DOK7: variants seen among roughly 807,000 people sequenced by gnomAD.
DOK7 encodes the protein docking protein 7, also known as protein Dok-7.
A neutral mutation model predicts 30.7 loss-of-function variants in DOK7; 32 were observed. That is an observed-to-expected ratio of 1.04 (90% CI 0.79 to 1.40). The LOEUF is 1.40. Among genes scored for constraint, DOK7 ranks in the 40% most tolerant of loss-of-function variants. The probability of loss-of-function intolerance (pLI) is 0.00; values close to 1 mark genes in which losing one functional copy is unlikely to be tolerated. For missense variants in DOK7, 1,007 were observed against 699.2 expected, an observed-to-expected ratio of 1.44 and a Z score of -4.97; for synonymous variants, 447 against 324.1, an observed-to-expected ratio of 1.38 and a Z score of -4.07.
In DOK7 at chr4:3,476,350, T is replaced by C; in HGVS notation, c.340T>C (p.Phe114Leu). The change falls in exon 4 of 7, where the codon TTC (phenylalanine) becomes CTC (leucine). Residue 114 changes from phenylalanine to leucine, a missense_variant. By Grantham distance (22) the Phe-to-Leu change is conservative. Coordinates refer to ENST00000340083, the MANE Select transcript of DOK7 (RefSeq NM_173660.5). Reference sequence around the variant, plus strand: ...GCCCCGCCTGCCCGCAGTGCATAGGTTCCATGTGACAGTGGCTCCAGGCAC... The same window carrying C: ...GCCCCGCCTGCCCGCAGTGCATAGGCTCCATGTGACAGTGGCTCCAGGCAC... ...IRYALGEVHR[F>L]HVTVAPGTKL... is the part of the protein sequence containing the mutation. The C allele has an allele frequency of 6.4e-7, 1 of 1,556,298 alleles. No homozygotes were observed. The highest frequency in any genetic ancestry group is 2.3e-5 in the East Asian group (1 of 43,190).
In DOK7 at chr4:3,494,427, G is replaced by A. The variant is rs1253834080; in HGVS notation, c.*926G>A. On this transcript the variant is annotated 3_prime_UTR_variant, in exon 7 of 7. Coordinates refer to ENST00000340083, the MANE Select transcript of DOK7 (RefSeq NM_173660.5). ...CCTCTTTGTCCCTTCACTGTCAGCT[G>A]TTTCTAAACCCAGACACTGTTTGTA... 2.5e-5 allele frequency: 25 copies of A among 985,530 alleles called. No homozygotes were observed. The highest frequency in any genetic ancestry group is 2.5e-5 in the Non-Finnish European group (21 of 830,072). The allele number at this position is 985,530 out of a possible 1,614,324, so 61.0% of individuals were successfully genotyped here.
At chr4:3,477,783 G>C (rs1422564746) in intron 4 of DOK7, among the ~76,000 whole-genome samples, 1 of 149,890 alleles carries the variant, frequency 6.7e-6, no homozygotes, top group Non-Finnish European at 1.5e-5. Flanking sequence ...TGGAGAGCCA[G>C]TATGGATGGG....
chr4:3,484,939 A>G (rs565239496), intron 4 of DOK7: 7 of 948,512 alleles, frequency 7.4e-6, no homozygotes, highest in Non-Finnish European at 6.3e-6. Flanking sequence ...CTGGGATGTG[A>G]CCCCAGCTCC....
rs1242600036 is a variant in DOK7, at chr4:3,494,284, C to G, written c.*783C>G. ...GGCCTGTGTTTCCCCTGGCCCAGGC[C>G]TCAGCCCCTGCGTCGGAGGTGGGGC... On this transcript the variant is annotated 3_prime_UTR_variant, in exon 7 of 7. Coordinates refer to ENST00000340083, the MANE Select transcript of DOK7 (RefSeq NM_173660.5). 5.1e-6 allele frequency: 5 copies of G among 985,642 alleles called. No homozygotes were observed. The highest frequency in any genetic ancestry group is 6.0e-6 in the Non-Finnish European group (5 of 830,078). The allele number at this position is 985,642 out of a possible 1,614,324, so 61.1% of individuals were successfully genotyped here. A position where few individuals can be genotyped will look rare whatever the true frequency, so the allele number is the denominator to read the frequency against.
At chr4:3,485,854 C>T (rs749141166) in intron 5 of DOK7, among the ~76,000 whole-genome samples, 196 bp downstream of exon 5, 2 of 152,366 alleles carry the variant, frequency 1.3e-5, no homozygotes, top group South Asian at 2.1e-4. Context: ...TTCAGAGCAG[C>T]GGGGGCTGGG....
chr4:3,473,347 C>A (rs1008897620), intron 2 of DOK7, 59 bp from the exon 3 acceptor site: 1 of 1,562,308 alleles, frequency 6.4e-7, no homozygotes, highest in Non-Finnish European at 8.7e-7. Flanking sequence ...TCCCCGGGGA[C>A]GCCAAGGGTG....
chr4:3,489,720 C>A lies in DOK7; in HGVS notation c.696C>A (p.Ala232=). ...PGPSTVEERV[A]QEALETLQLE... ...CCTCGACTGTGGAGGAGCGTGTGGC[C>A]CAGGAAGCCCTGGAAACCCTACAGC... Residue 232 remains alanine, a synonymous_variant, in exon 6 of 7, where the codon GCC becomes GCA. Coordinates refer to ENST00000340083, the MANE Select transcript of DOK7 (RefSeq NM_173660.5). 6.4e-7 allele frequency: 1 copy of A among 1,564,816 alleles called. No individual in the cohort carries two copies. Among genetic ancestry groups the A allele is most frequent in the Admixed American group, 1.9e-5 (1 of 53,116 alleles).
At chr4:3,485,089 G>A (rs1442211232) in intron 4 of DOK7, among the ~76,000 whole-genome samples, 1 of 152,166 alleles carries the variant, frequency 6.6e-6, no homozygotes, top group Non-Finnish European at 1.5e-5. Flanking sequence ...GCAGAGGAGG[G>A]ACTGATCAAG....
chr4:3,473,093 G>A (rs886555028), intron 2 of DOK7, among the ~76,000 whole-genome samples: 8 of 152,228 alleles, frequency 5.3e-5, no homozygotes, highest in African/African-American at 1.9e-4. Flanking sequence ...TGTGGCCCAG[G>A]GGGCTCCAGG....
chr4:3,481,540 C>T (rs1256975180), intron 4 of DOK7, among the ~76,000 whole-genome samples: 1 of 152,048 alleles, frequency 6.6e-6, no homozygotes, highest in African/African-American at 2.4e-5. Flanking sequence ...AGGCCTTCCT[C>T]CACCCGAGAC....
intron 4 of DOK7, among the ~76,000 whole-genome samples, chr4:3,481,674 G>A (rs924994009): frequency 1.3e-5 from 2 of 152,178 alleles, no homozygotes; most frequent in East Asian, 1.9e-4. Flanking sequence ...AGCCATCCAG[G>A]ACACCCTGGT....
chr4:3,485,538 G>A lies in DOK7; in HGVS notation c.533-1G>A. 1 of 1,599,988 alleles carries A rather than the reference G, an allele frequency of 6.3e-7. No individual in the cohort carries two copies. Among genetic ancestry groups the A allele is most frequent in the Non-Finnish European group, 8.5e-7 (1 of 1,172,016 alleles). ...GACCTGTCTCTGTCCTTCCTCTGCA[G>A]GGGCTGGCGTCTTCTTCCTGTCCTC... On this transcript the variant is annotated splice_acceptor_variant, in intron 4 of 6. Transcript: ENST00000340083. LOFTEE classifies it high-confidence loss of function.
chr4:3,475,529 C>T (rs576188654), intron 3 of DOK7, among the ~76,000 whole-genome samples: 1 of 152,336 alleles, frequency 6.6e-6, no homozygotes, highest in East Asian at 1.9e-4. Context: ...GGACCACTGT[C>T]CTCTCTGAGG....
chr4:3,493,902 T>G lies in DOK7; in HGVS notation c.*401T>G, dbSNP rs1263983803. ...TCACGCCCCCTTCGGGGGTGGCCGG[T>G]TCTCCCCATCACCTCTCTGGGGCAG... On this transcript the variant is annotated 3_prime_UTR_variant, in exon 7 of 7. Transcript: ENST00000340083. The G allele has an allele frequency of 1.9e-6, 2 of 1,062,054 alleles. No homozygotes were observed. Among genetic ancestry groups the G allele is most frequent in the Admixed American group, 1.0e-4 (2 of 19,816 alleles). The allele number at this position is 1,062,054 out of a possible 1,614,324, so 65.8% of individuals were successfully genotyped here.
At chr4:3,490,139 AT>A (rs1389220507) in intron 6 of DOK7, among the ~76,000 whole-genome samples, 2 of 40,778 alleles carry the variant, frequency 4.9e-5, no homozygotes, top group Admixed American at 4.5e-4. Context: ...CTGCTCATTC[AT>A]TCCTTCCTTC....
At chr4:3,487,044 C>T (rs148068893) in intron 5 of DOK7, among the ~76,000 whole-genome samples, 387 of 152,228 alleles carry the variant, frequency 2.5e-3, no homozygotes, top group African/African-American at 8.9e-3. Context: ...CAGCCCCAGG[C>T]GGGGCCATTG....
At position 3,493,368 on chromosome 4, in the gene DOK7, G is replaced by T. The variant is rs9684786; in HGVS notation, c.1382G>T (p.Gly461Val). 6.3e-7 allele frequency: 1 copy of T among 1,595,824 alleles called. No individual in the cohort carries two copies. Among genetic ancestry groups the T allele is most frequent in the African/African-American group, 1.3e-5 (1 of 74,618 alleles). The change falls in exon 7 of 7, where the codon GGC becomes GTC. Residue 461 changes from glycine to valine, a missense_variant. Transcript: ENST00000340083. The stretch of plus-strand genomic sequence containing the variant: ...GGCCTGGTGATGGAGGCCCCCCAGG[G>T]CAGCGAGGCCACACTGCCTGGCCCT... ...RRGLVMEAPQ[G>V]SEATLPGPAP... is the part of the protein sequence containing the mutation.
At chr4:3,478,372 G>A (rs755119984) in intron 4 of DOK7, among the ~76,000 whole-genome samples, 9 of 152,234 alleles carry the variant, frequency 5.9e-5, no homozygotes, top group Non-Finnish European at 1.0e-4. Flanking sequence ...TCCCCAGGGC[G>A]AGGCTACTGT....
intron 6 of DOK7, among the ~76,000 whole-genome samples, chr4:3,499,508 G>A (rs938034772): frequency 1.3e-5 from 2 of 152,198 alleles, no homozygotes; most frequent in Non-Finnish European, 2.9e-5. Context: ...GCCGGTGTGC[G>A]TCCAACCCCC....
Sources: allele counts gnomAD v4.1 joint callset (sites outside exome capture counted in the v4.1 genomes callset), GRCh38; gene constraint gnomAD v4.1.1; transcripts MANE v1.5; gene names NCBI Gene and HGNC (gene_info 2026-07-23, HGNC 2026-07-21).